ZNF540: variants seen among roughly 807,000 people sequenced by gnomAD.
ZNF540 encodes CTD-3064H18.6.
In ZNF540, 3 loss-of-function variants were observed where a neutral mutation model predicts 11.8. The observed-to-expected ratio is 0.25, with a 90% CI of 0.12 to 0.65. The LOEUF (loss-of-function observed/expected upper bound fraction) is 0.65. Among genes scored for constraint, ZNF540 ranks in the 30% least tolerant of loss-of-function variants. ZNF540 has a pLI of 0.83. For missense variants in ZNF540, 709 were observed against 793.1 expected (o/e 0.89, Z 1.27); for synonymous variants, 247 against 259.0 (o/e 0.95, Z 0.45).
intron 1 of ZNF540, chr19:37,554,976 C>T (rs1198505950): frequency 1.3e-5 from 2 of 152,206 alleles, no homozygotes; most frequent in African/African-American, 2.4e-5. Context: ...GGAAATTAAA[C>T]AGTTCCAGGT....
chr19:37,584,369 C>T (rs540974286), intron 1 of ZNF540, among the ~76,000 whole-genome samples: 6 of 152,144 alleles, frequency 3.9e-5, no homozygotes, highest in South Asian at 2.1e-4. Context: ...ATACTGCAAG[C>T]GTTTTCTTCA....
intron 4 of ZNF540, among the ~76,000 whole-genome samples, chr19:37,605,221 G>A (rs2044074978): frequency 6.6e-6 from 1 of 152,200 alleles, no homozygotes; most frequent in Non-Finnish European, 1.5e-5. Context: ...GGCACTTTGG[G>A]AGGCTAAGGC....
At chr19:37,567,070 C>G (rs1410003930) in intron 1 of ZNF540, among the ~76,000 whole-genome samples, 1 of 152,156 alleles carries the variant, frequency 6.6e-6, no homozygotes, top group African/African-American at 2.4e-5. Flanking sequence ...AATGCCCTTC[C>G]TCTAGATACC....
rs909454020 is a variant in ZNF540, at chr19:37,612,612, C to T, written c.1332C>T (p.Cys444=). Residue 444 remains cysteine (C), a synonymous_variant, in exon 5 of 5, where the codon TGC becomes TGT. Coordinates refer to ENST00000316433, the MANE Select transcript of ZNF540 (RefSeq NM_001172225.3). ...AGAAACCATATGAATGTAAGGAATG[C>T]GGGAAAGCCTTTATGCTTCGTTCAG... ...TGEKPYECKE[C]GKAFMLRSVL... 6 of 1,613,664 alleles carry T rather than the reference C, an allele frequency of 3.7e-6. No individual in the cohort carries two copies. The highest frequency in any genetic ancestry group is 1.1e-5 in the South Asian group (1 of 91,062).
chr19:37,570,324 T>C (rs2043008986), intron 1 of ZNF540, among the ~76,000 whole-genome samples: 3 of 152,164 alleles, frequency 2.0e-5, no homozygotes, highest in African/African-American at 7.2e-5. Flanking sequence ...CTGTGATTAT[T>C]TTCTTCACCT....
intron 1 of ZNF540, among the ~76,000 whole-genome samples, chr19:37,581,432 C>T (rs2043457475): frequency 6.6e-6 from 1 of 151,924 alleles, no homozygotes; most frequent in Non-Finnish European, 1.5e-5. Context: ...TATACCACCC[C>T]TCCAGCATTT....
At chr19:37,553,755 C>A (rs1204726397) in intron 1 of ZNF540, among the ~76,000 whole-genome samples, 3 of 93,856 alleles carry the variant, frequency 3.2e-5, no homozygotes, top group African/African-American at 1.3e-4. Context: ...ACAAATAATA[C>A]TTCCATTCCA....
At position 37,613,898 on chromosome 19, in the gene ZNF540, C is replaced by G. The variant is rs578055461; in HGVS notation, c.*635C>G. 1 of 398,394 alleles carries G rather than the reference C, an allele frequency of 2.5e-6. No individual in the cohort carries two copies. Among genetic ancestry groups the G allele is most frequent in the African/African-American group, 2.1e-5 (1 of 48,654 alleles). 24.7% of individuals were successfully genotyped at this position (398,394 alleles called of 1,614,324 possible). On this transcript the variant is annotated 3_prime_UTR_variant, in exon 5 of 5. Transcript: ENST00000316433. The stretch of plus-strand genomic sequence containing the variant: ...AGGAAATTAGGTCATGAGGGTGGAG[C>G]CTTCATGAGTGGAATTACTGCCTTT...
chr19:37,568,687 G>C (rs570342266), intron 1 of ZNF540, among the ~76,000 whole-genome samples: 1 of 152,230 alleles, frequency 6.6e-6, no homozygotes, highest in South Asian at 2.1e-4. Flanking sequence ...ACTGTGCCCA[G>C]AATGAGGAGT....
At chr19:37,603,128 C>T (rs184442310) in intron 4 of ZNF540, among the ~76,000 whole-genome samples, 1 of 151,736 alleles carries the variant, frequency 6.6e-6, no homozygotes, top group Non-Finnish European at 1.5e-5. Flanking sequence ...CTGCCTCAGC[C>T]TCCTGAGTAG....
chr19:37,571,541 A>C (rs981857564), intron 1 of ZNF540, among the ~76,000 whole-genome samples: 7 of 152,098 alleles, frequency 4.6e-5, no homozygotes, highest in African/African-American at 1.7e-4. Context: ...CTATGAACAA[A>C]TCCATAGCCA....
intron 1 of ZNF540, among the ~76,000 whole-genome samples, chr19:37,576,101 A>C (rs1047531132): frequency 6.6e-6 from 1 of 152,144 alleles, no homozygotes; most frequent in East Asian, 1.9e-4. Flanking sequence ...CCAACTCCTA[A>C]AGAATTTATC....
intron 1 of ZNF540, chr19:37,564,828 G>C: frequency 1.9e-6 from 3 of 1,613,690 alleles, no homozygotes; most frequent in Non-Finnish European, 2.5e-6. Flanking sequence ...TTCCCACACT[G>C]TTTACATTCA....
Position 37,598,435 on chromosome 19 carries a change from T to C in ZNF540, c.-13T>C. ...CCTGCGGAAGACTGAGCAGTTCTTG[T>C]GAGTGTAAAACCATGGCCCATGTAA... On this transcript the variant is annotated 5_prime_UTR_variant, in exon 2 of 5. Coordinates refer to ENST00000316433, the MANE Select transcript of ZNF540 (RefSeq NM_001172225.3). 6.2e-7 allele frequency: 1 copy of C among 1,614,038 alleles called. No individual in the cohort carries two copies. The highest frequency in any genetic ancestry group is 1.6e-4 in the Middle Eastern group (1 of 6,062).
In ZNF540 at chr19:37,613,708, G is replaced by T; in HGVS notation, c.*445G>T. 1 of 398,042 alleles carries T rather than the reference G, an allele frequency of 2.5e-6. No individual in the cohort carries two copies. The highest frequency in any genetic ancestry group is 4.4e-6 in the Non-Finnish European group (1 of 225,914). 24.7% of individuals were successfully genotyped at this position (398,042 alleles called of 1,614,324 possible). A position where few individuals can be genotyped will look rare whatever the true frequency, so the allele number is the denominator to read the frequency against. On this transcript the variant is annotated 3_prime_UTR_variant, in exon 5 of 5. Coordinates refer to ENST00000316433, the MANE Select transcript of ZNF540 (RefSeq NM_001172225.3). The stretch of plus-strand genomic sequence containing the variant: ...TTATTAGTGGATTTCTTAATAGGAA[G>T]ATGCAATGGAGATGACAAATTTGGA...
At chr19:37,596,736 CCTCTTTAAGGTGGCACCAGTGTATAA>C (rs1408229115) in intron 1 of ZNF540, among the ~76,000 whole-genome samples, 1 of 152,008 alleles carries the variant, frequency 6.6e-6, no homozygotes, top group East Asian at 1.9e-4. Flanking sequence ...TCTAATTTAC[CCTCTTTAAGGTGGCACCAGTGTATAA>C]CATGGCGTGA....
rs909454020 is a variant in ZNF540 at position 37,612,612 on chromosome 19, C to A, written c.1332C>A (p.Cys444Ter). The A allele has an allele frequency of 6.2e-7, 1 of 1,613,782 alleles. No individual in the cohort carries two copies. Among genetic ancestry groups the A allele is most frequent in the Non-Finnish European group, 8.5e-7 (1 of 1,179,934 alleles). Residue 444 changes from cysteine to a stop codon, truncating the protein, a stop_gained, in exon 5 of 5, where the codon TGC becomes TGA. Transcript: ENST00000316433. LOFTEE classifies it low-confidence loss of function (END_TRUNC). ...AGAAACCATATGAATGTAAGGAATG[C>A]GGGAAAGCCTTTATGCTTCGTTCAG... The part of the protein sequence containing the change: ...TGEKPYECKE[C>*]GKAFMLRSVL...
rs769163050 is a variant in ZNF540, at chr19:37,604,296, CTTTTTTTT to C, written c.232+3213_232+3220del. ...CATAGAGCTTTGGAAAATAGCCTTA[CTTTTTTTT>C]TTTTTTTTTTTTTTTTTTTTTAAGG... On this transcript the variant is annotated intron_variant, in intron 4 of 4. Transcript: ENST00000316433. Among the ~76,000 whole-genome samples the C allele has an allele frequency of 1.6e-3, 121 of 75,272 alleles. 3 individuals carry two copies. Among genetic ancestry groups the C allele is most frequent in the Non-Finnish European group, 2.0e-3 (77 of 39,486 alleles). 49.4% of individuals were successfully genotyped at this position (75,272 alleles called of 152,430 possible).
Position 37,613,014 on chromosome 19 carries a change from A to T in ZNF540, c.1734A>T (p.Pro578=), listed in dbSNP as rs759155533. The T allele has an allele frequency of 6.2e-7, 1 of 1,614,010 alleles. No homozygotes were observed. The highest frequency in any genetic ancestry group is 8.5e-7 in the Non-Finnish European group (1 of 1,180,016). Residue 578 remains proline (P), a synonymous_variant, in exon 5 of 5, where the codon CCA becomes CCT. Coordinates refer to ENST00000316433, the MANE Select transcript of ZNF540 (RefSeq NM_001172225.3). ...AGAAAATTCATACGGGTGTAAAACC[A>T]TACAAATGTAAAGAATGTGGGAAGG... The part of the protein sequence containing the change: ...EHQKIHTGVK[P]YKCKECGKAF...
Sources: gnomAD v4.1 joint callset for allele counts (sites outside exome capture counted in the v4.1 genomes callset) on GRCh38, gnomAD v4.1.1 for gene constraint, MANE v1.5 for transcripts, NCBI Gene and HGNC (gene_info 2026-07-23, HGNC 2026-07-21) for gene names.